The following ZBTB7C variants were observed in gnomAD, a reference collection of about 807,000 sequenced individuals.
The protein encoded by ZBTB7C is zinc finger and BTB domain-containing protein 7C.
Under a neutral mutation model 25.7 loss-of-function variants are expected in ZBTB7C, and 8 were observed. That is an observed-to-expected ratio of 0.31 (90% CI 0.18 to 0.56). The LOEUF (loss-of-function observed/expected upper bound fraction) is 0.56, where lower values mean the gene tolerates loss of function less well. ZBTB7C is among the 20% of genes least tolerant of loss of function. The pLI is 0.91. For synonymous variants in ZBTB7C, 394 were observed against 369.0 expected (o/e 1.07, Z -0.78); for missense variants, 824 against 855.2 (o/e 0.96, Z 0.46).
chr18:48,105,490 A>G (rs2144635098), intron 3 of ZBTB7C, among the ~76,000 whole-genome samples: 1 of 152,252 alleles, frequency 6.6e-6, no homozygotes, highest in African/African-American at 2.4e-5. Context: ...TGACATGATT[A>G]ATACCAGTAG....
intron 2 of ZBTB7C, among the ~76,000 whole-genome samples, chr18:48,320,422 C>G (rs990785984): frequency 6.6e-6 from 1 of 152,196 alleles, no homozygotes; most frequent in Non-Finnish European, 1.5e-5. Context: ...TGACACATGT[C>G]AGAGGATCCT....
intron 1 of ZBTB7C, among the ~76,000 whole-genome samples, chr18:48,352,810 C>G (rs1160564601): frequency 6.6e-6 from 1 of 152,182 alleles, no homozygotes; most frequent in Admixed American, 6.5e-5. Flanking sequence ...TGGAGGTGAG[C>G]TGAAAGGCGC....
In ZBTB7C at chr18:48,029,325, G is replaced by A; in HGVS notation, c.1795C>T (p.Leu599=). ...CCGGCGAGCCCAGGGAGGCCGGCCA[G>A]GCCGGCGGCCCAAGGGTCGGGCAGC... The part of the protein sequence containing the change: ...FPLPDPWAAG[L]AGLPGLAGLN... Residue 599 remains leucine (L), a synonymous_variant, in exon 5 of 5, where the codon CTG becomes TTG. Transcript: ENST00000590800. 6.5e-7 allele frequency: 1 copy of A among 1,540,176 alleles called. No individual in the cohort carries two copies. The highest frequency in any genetic ancestry group is 8.7e-7 in the Non-Finnish European group (1 of 1,148,608).
chr18:48,226,112 G>A (rs2043085312), intron 2 of ZBTB7C, among the ~76,000 whole-genome samples: 1 of 152,200 alleles, frequency 6.6e-6, no homozygotes, highest in Non-Finnish European at 1.5e-5. Context: ...TGTTCCAGCT[G>A]AACAAAGACA....
At chr18:48,307,907 G>A (rs543673464) in intron 2 of ZBTB7C, among the ~76,000 whole-genome samples, 3 of 152,202 alleles carry the variant, frequency 2.0e-5, no homozygotes, top group South Asian at 4.2e-4. Flanking sequence ...GTAAGAACAG[G>A]TATCTCTTTA....
intron 3 of ZBTB7C, among the ~76,000 whole-genome samples, chr18:48,161,044 C>T (rs957695109): frequency 2.6e-5 from 4 of 151,556 alleles, no homozygotes; most frequent in African/African-American, 9.7e-5. Context: ...TGGTTCCCAC[C>T]CTTCTAAGGT....
intron 2 of ZBTB7C, among the ~76,000 whole-genome samples, chr18:48,202,234 G>A (rs1388344414): frequency 1.3e-5 from 2 of 152,174 alleles, no homozygotes; most frequent in African/African-American, 4.8e-5. Context: ...TAGTCTTTTG[G>A]GGACAACAGA....
intron 2 of ZBTB7C, among the ~76,000 whole-genome samples, chr18:48,257,132 A>G (rs1428172849): frequency 1.3e-5 from 2 of 152,072 alleles, no homozygotes; most frequent in Non-Finnish European, 2.9e-5. Flanking sequence ...AAAAAAGATG[A>G]AAGTAAAAAG....
intron 1 of ZBTB7C, among the ~76,000 whole-genome samples, chr18:48,367,202 T>TATATACACACAC (rs1302394192): frequency 7.9e-5 from 5 of 63,398 alleles, no homozygotes; most frequent in African/African-American, 2.5e-4. Flanking sequence ...TATATATATA[T>TATATACACACAC]ACACACACAC....
intron 3 of ZBTB7C, among the ~76,000 whole-genome samples, chr18:48,091,218 T>C (rs1283254892): frequency 6.7e-6 from 1 of 149,552 alleles, no homozygotes; most frequent in Non-Finnish European, 1.5e-5. Flanking sequence ...ACTACAGGCA[T>C]GTGCCACTAT....
intron 1 of ZBTB7C, among the ~76,000 whole-genome samples, chr18:48,353,648 AG>A (rs2046912314): frequency 6.6e-6 from 1 of 152,116 alleles, no homozygotes. Flanking sequence ...TTCCAGAAAA[AG>A]GTTCTCAGGG....
intron 2 of ZBTB7C, among the ~76,000 whole-genome samples, chr18:48,315,406 C>T (rs954612082): frequency 3.3e-5 from 5 of 152,112 alleles, no homozygotes; most frequent in East Asian, 1.9e-4. Flanking sequence ...AATGGAGTGA[C>T]GGTCCTCCCC....
intron 2 of ZBTB7C, among the ~76,000 whole-genome samples, chr18:48,274,419 TA>T (rs1235206313): frequency 6.6e-6 from 1 of 152,164 alleles, no homozygotes; most frequent in Non-Finnish European, 1.5e-5. Context: ...ATGTCCACCC[TA>T]ACCTGTCTTA....
intron 3 of ZBTB7C, among the ~76,000 whole-genome samples, chr18:48,046,304 A>G (rs540384851): frequency 6.6e-6 from 1 of 152,362 alleles, no homozygotes; most frequent in African/African-American, 2.4e-5. Context: ...GTATTACAAC[A>G]ATGTTTTGAT....
chr18:48,367,162 T>C (rs1300204634), intron 1 of ZBTB7C, among the ~76,000 whole-genome samples: 1 of 130,452 alleles, frequency 7.7e-6, no homozygotes, highest in Non-Finnish European at 1.6e-5. Flanking sequence ...TCCCCTGTTC[T>C]TCTCCCCAAG....
chr18:48,374,101 C>G (rs1223659383), intron 1 of ZBTB7C: 1 of 152,550 alleles, frequency 6.6e-6, no homozygotes, highest in Non-Finnish European at 1.5e-5. Flanking sequence ...GAAGCAGATG[C>G]TGGTGCCATG....
At chr18:48,223,703 T>C (rs11875391) in intron 2 of ZBTB7C, among the ~76,000 whole-genome samples, 10,783 of 152,270 alleles carry the variant, frequency 0.071, 688 homozygotes, top group African/African-American at 0.17. Flanking sequence ...ACTATGACTT[T>C]GAGCAAGTCA....
chr18:48,269,346 A>G (rs1342263715), intron 2 of ZBTB7C, among the ~76,000 whole-genome samples: 3 of 152,162 alleles, frequency 2.0e-5, no homozygotes, highest in Non-Finnish European at 2.9e-5. Flanking sequence ...CCTTTGATAT[A>G]TGAGCACTAA....
intron 3 of ZBTB7C, among the ~76,000 whole-genome samples, chr18:48,061,741 A>ATG (rs1355842853): frequency 6.6e-6 from 1 of 152,226 alleles, no homozygotes; most frequent in Non-Finnish European, 1.5e-5. Flanking sequence ...CTGGACGGGA[A>ATG]TGTAAGTTCC....
Sources: allele counts gnomAD v4.1 joint callset (sites outside exome capture counted in the v4.1 genomes callset), GRCh38; gene constraint gnomAD v4.1.1; transcripts MANE v1.5; gene names NCBI Gene and HGNC (gene_info 2026-07-23, HGNC 2026-07-21).